CDH18: variants seen among roughly 807,000 people sequenced by gnomAD.
CDH18 encodes cadherin 18.
CDH18 carries 31 observed loss-of-function variants against 67.9 expected under a neutral mutation model. The ratio of observed to expected loss-of-function variants is 0.46; its 90% CI spans 0.34 to 0.62. CDH18 has a LOEUF of 0.62. Ranked by LOEUF, CDH18 falls within the 20% of genes least tolerant of loss-of-function variation. The probability of loss-of-function intolerance (pLI) is 0.01; values close to 1 mark genes in which losing one functional copy is unlikely to be tolerated. For missense variants in CDH18, 890 were observed against 975.5 expected (o/e 0.91, Z 1.17); for synonymous variants, 362 against 347.2 (o/e 1.04, Z -0.48).
intron 3 of CDH18, among the ~76,000 whole-genome samples, chr5:19,781,733 C>G (rs1339046336): frequency 1.3e-5 from 2 of 151,886 alleles, no homozygotes; most frequent in African/African-American, 4.8e-5. Flanking sequence ...TAGTCTGAGT[C>G]CAGAGAGAAT....
chr5:20,547,693 G>A (rs776826805), intron 1 of CDH18, among the ~76,000 whole-genome samples: 1 of 152,044 alleles, frequency 6.6e-6, no homozygotes, highest in Non-Finnish European at 1.5e-5. Flanking sequence ...ATAATGAGAA[G>A]ACAATTTGGA....
At chr5:20,104,402 T>C (rs1475638160) in intron 2 of CDH18, among the ~76,000 whole-genome samples, 1 of 152,152 alleles carries the variant, frequency 6.6e-6, no homozygotes, top group Non-Finnish European at 1.5e-5. Flanking sequence ...GGATACATCT[T>C]AGCATTTTTG....
intron 5 of CDH18, among the ~76,000 whole-genome samples, chr5:19,691,827 T>A (rs1761929350): frequency 6.6e-6 from 1 of 151,904 alleles, no homozygotes; most frequent in Non-Finnish European, 1.5e-5. Flanking sequence ...TTGAATGCAA[T>A]TCCTATCAAA....
chr5:20,220,631 C>T (rs1741149346), intron 2 of CDH18, among the ~76,000 whole-genome samples: 1 of 151,902 alleles, frequency 6.6e-6, no homozygotes, highest in Non-Finnish European at 1.5e-5. Flanking sequence ...AATGGGAACA[C>T]ATCAAGTTAG....
intron 5 of CDH18, among the ~76,000 whole-genome samples, chr5:19,652,451 C>G (rs935033953): frequency 1.3e-5 from 2 of 151,890 alleles, no homozygotes; most frequent in Admixed American, 1.3e-4. Context: ...AAGGAGTCAG[C>G]TAGTAGAACT....
At chr5:20,074,282 A>G (rs1743740197) in intron 2 of CDH18, among the ~76,000 whole-genome samples, 1 of 152,144 alleles carries the variant, frequency 6.6e-6, no homozygotes, top group African/African-American at 2.4e-5. Flanking sequence ...TGATTATCAT[A>G]TGCCTTGTCT....
In CDH18 at chr5:20,227,470, T is replaced by C. The variant is rs148009270; in HGVS notation, c.-518+27974A>G. On this transcript the variant is annotated intron_variant, in intron 2 of 14. Transcript: ENST00000507958. ...CAATAATCAATCATCACCCAACTCA[T>C]ACAAATTCAACAGTATATGTCTTAA... 4.1e-3 allele frequency among the ~76,000 whole-genome samples: 618 copies of C among 152,186 alleles called. 1 individual carries two copies. Among genetic ancestry groups the C allele is most frequent in the Non-Finnish European group, 6.2e-3 (425 of 68,004 alleles).
At chr5:19,591,426 T>A (rs1745117183) in intron 6 of CDH18, among the ~76,000 whole-genome samples, 182 bp from the exon 7 acceptor site, 1 of 152,122 alleles carries the variant, frequency 6.6e-6, no homozygotes, top group African/African-American at 2.4e-5. Flanking sequence ...TATATAAACT[T>A]TAAAAGGTAC....
chr5:19,550,479 G>C (rs1479127848), intron 8 of CDH18, among the ~76,000 whole-genome samples: 2 of 145,844 alleles, frequency 1.4e-5, no homozygotes, highest in East Asian at 4.2e-4. Context: ...TGTTCTCATT[G>C]TTCAATTCCA....
At chr5:19,993,343 C>T (rs989319636) in intron 2 of CDH18, among the ~76,000 whole-genome samples, 3 of 152,032 alleles carry the variant, frequency 2.0e-5, no homozygotes, top group South Asian at 2.1e-4. Flanking sequence ...TTTAGACATC[C>T]TTAATAATAG....
chr5:19,703,506 C>G (rs983727370), intron 5 of CDH18, among the ~76,000 whole-genome samples: 1 of 152,158 alleles, frequency 6.6e-6, no homozygotes, highest in Non-Finnish European at 1.5e-5. Context: ...CCCTACCCTT[C>G]TGCACCCCCT....
At chr5:20,455,449 G>A (rs539051111) in intron 1 of CDH18, among the ~76,000 whole-genome samples, 82 of 152,092 alleles carry the variant, frequency 5.4e-4, no homozygotes, top group Non-Finnish European at 9.0e-4. Context: ...AAATTATTAG[G>A]CAGGACAACA....
At chr5:19,848,410 A>G (rs1369007802) in intron 2 of CDH18, among the ~76,000 whole-genome samples, 2 of 152,226 alleles carry the variant, frequency 1.3e-5, no homozygotes, top group East Asian at 3.9e-4. Context: ...GCTTAGATTC[A>G]GTTAGTTTCA....
intron 3 of CDH18, among the ~76,000 whole-genome samples, chr5:19,772,155 T>A (rs1025937157): frequency 2.0e-5 from 3 of 152,162 alleles, no homozygotes; most frequent in Non-Finnish European, 4.4e-5. Context: ...TGATTGTCAC[T>A]CTTTTTCCTA....
intron 6 of CDH18, among the ~76,000 whole-genome samples, chr5:19,598,924 A>T (rs1746607036): frequency 6.6e-6 from 1 of 152,178 alleles, no homozygotes. Flanking sequence ...TTGTATTTAT[A>T]ACAAAGGGTT....
intron 7 of CDH18, among the ~76,000 whole-genome samples, chr5:19,584,364 TGAG>T (rs1743759889): frequency 6.6e-6 from 1 of 152,142 alleles, no homozygotes; most frequent in Admixed American, 6.5e-5. Flanking sequence ...TTTCTATCTG[TGAG>T]GAGATTAGCT....
chr5:20,158,982 G>A (rs1751768190), intron 2 of CDH18: 1 of 160,184 alleles, frequency 6.2e-6, no homozygotes, highest in African/African-American at 2.4e-5. Context: ...AAGGCCCAGG[G>A]TTGACCAAAG....
intron 1 of CDH18, among the ~76,000 whole-genome samples, chr5:20,530,205 A>G (rs531893748): frequency 6.6e-6 from 1 of 152,042 alleles, no homozygotes; most frequent in Non-Finnish European, 1.5e-5. Context: ...CTCTTCAAGA[A>G]CTACAAAACA....
rs141815073 is a variant in CDH18 at position 20,426,797 on chromosome 5, A to C, written c.-580+148665T>G. Among the ~76,000 whole-genome samples the C allele has an allele frequency of 1.9e-4, 29 of 151,330 alleles. No individual in the cohort carries two copies. The East Asian group carries it at 5.0e-3, about 26-fold the overall frequency. On this transcript the variant is annotated intron_variant, in intron 1 of 14. Coordinates refer to the CDH18 transcript ENST00000507958. ...AAATAACAATATAACTTTTAATGAT[A>C]TGCACCCCCTACCTTCTAATAGAAA...
Sources: gnomAD v4.1 joint callset for allele counts (sites outside exome capture counted in the v4.1 genomes callset) on GRCh38, gnomAD v4.1.1 for gene constraint, MANE v1.5 for transcripts, NCBI Gene and HGNC (gene_info 2026-07-23, HGNC 2026-07-21) for gene names.